The following PIEZO2 variants were observed in gnomAD, a reference collection of about 807,000 sequenced individuals.
PIEZO2 encodes the protein piezo-type mechanosensitive ion channel component 2.
In PIEZO2, 172 loss-of-function variants were observed where a neutral mutation model predicts 337.3. The observed-to-expected ratio is 0.51, with a 90% confidence interval of 0.45 to 0.58. The LOEUF (loss-of-function observed/expected upper bound fraction) is 0.58. Among genes scored for constraint, PIEZO2 ranks in the 20% least tolerant of loss-of-function variants. The pLI is 0.00. For missense variants in PIEZO2, 3,028 were observed against 3,391.3 expected, an observed-to-expected ratio of 0.89 and a Z score of 2.66; for synonymous variants, 1,251 against 1,228.5, an observed-to-expected ratio of 1.02 and a Z score of -0.38.
chr18:10,857,343 C>A (rs867431634), intron 5 of PIEZO2, 132 bp from the exon 6 acceptor site: 2 of 723,318 alleles, frequency 2.8e-6, no homozygotes, highest in African/African-American at 3.5e-5. Context: ...GGAAGACAAC[C>A]AGTTCATTCC....
chr18:10,809,492 T>G (rs1246459055), intron 7 of PIEZO2, among the ~76,000 whole-genome samples: 1 of 151,716 alleles, frequency 6.6e-6, no homozygotes, highest in African/African-American at 2.4e-5. Context: ...ATGGTCTTGA[T>G]CTCTTGACCT....
Position 10,847,206 on chromosome 18 carries a change from C to T in PIEZO2, c.917+8147G>A, listed in dbSNP as rs558255317. Among the ~76,000 whole-genome samples, 77 of 152,314 alleles carry T rather than the reference C, an allele frequency of 5.1e-4. 1 individual carries two copies. Among genetic ancestry groups the T allele is most frequent in the African/African-American group, 1.7e-3 (71 of 41,574 alleles). On this transcript the variant is annotated intron_variant, in intron 7 of 55. Transcript: ENST00000674853. This position sits in a 1 kb window ranked among gnomAD's most constrained non-coding sequence, Gnocchi z 5.7. ...AAATCAGTGGAACCCATGTGATGCTCGCTGGCCAGATGACATGACGGCAGC... is the reference window on the plus strand; with the variant it reads ...AAATCAGTGGAACCCATGTGATGCTTGCTGGCCAGATGACATGACGGCAGC...
intron 30 of PIEZO2, among the ~76,000 whole-genome samples, chr18:10,747,479 C>CAT (rs1404038773): frequency 6.6e-6 from 1 of 152,164 alleles, no homozygotes; most frequent in Non-Finnish European, 1.5e-5. Flanking sequence ...TGGAATGAAA[C>CAT]ATTGTATTCT....
chr18:10,872,803 T>C lies in PIEZO2; in HGVS notation c.330-1388A>G, dbSNP rs191735081. Among the ~76,000 whole-genome samples, 1 of 152,088 alleles carries C rather than the reference T, an allele frequency of 6.6e-6. No individual in the cohort carries two copies. Among genetic ancestry groups the C allele is most frequent in the African/African-American group, 2.4e-5 (1 of 41,480 alleles). ...AGAAAAAGCTAATGAAATGACTAGGTGATATGAAGAAAAAGTTATACAGAC... is the reference window on the plus strand; with the variant it reads ...AGAAAAAGCTAATGAAATGACTAGGCGATATGAAGAAAAAGTTATACAGAC... On this transcript the variant is annotated intron_variant, in intron 4 of 55. Transcript: ENST00000674853. The surrounding 1 kb of genome is among the most constrained non-coding windows in gnomAD (Gnocchi z 4.3).
intron 9 of PIEZO2, among the ~76,000 whole-genome samples, chr18:10,802,085 CAAAAAA>C (rs58924448): frequency 4.9e-4 from 47 of 96,612 alleles, no homozygotes; most frequent in Admixed American, 1.5e-3. Flanking sequence ...GACTCCGTCT[CAAAAAA>C]AAAAAAAAAA....
intron 2 of PIEZO2, among the ~76,000 whole-genome samples, chr18:10,990,572 T>C (rs1441731909): frequency 6.6e-6 from 1 of 152,052 alleles, no homozygotes; most frequent in Admixed American, 6.6e-5. Flanking sequence ...AAAGTTTACT[T>C]ATAAGACAAA....
At chr18:11,051,849 TGCATGACTGGAGGAA>T (rs2037548415) in intron 2 of PIEZO2, among the ~76,000 whole-genome samples, 1 of 152,226 alleles carries the variant, frequency 6.6e-6, no homozygotes, top group South Asian at 2.1e-4. Context: ...TATGACCTGG[TGCATGACTGGAGGAA>T]GCATCTATGC....
intron 2 of PIEZO2, among the ~76,000 whole-genome samples, chr18:11,054,118 T>C (rs1267946971): frequency 6.6e-6 from 1 of 152,228 alleles, no homozygotes; most frequent in Non-Finnish European, 1.5e-5. Flanking sequence ...TTAATAAATT[T>C]AATGCAGGAC....
In PIEZO2 at chr18:10,850,285, A is replaced by C. The variant is rs1231478203; in HGVS notation, c.917+5068T>G. On this transcript the variant is annotated intron_variant, in intron 7 of 55. Coordinates refer to ENST00000674853, the MANE Select transcript of PIEZO2 (RefSeq NM_001378183.1). The surrounding 1 kb of genome is among the most constrained non-coding windows in gnomAD (Gnocchi z 4.5). Reference sequence around the variant, plus strand: ...GAAGGGATTACTCTAGAGAAAAATGAAACTCCAGCCCTGTGCCACACATCG... The same window carrying C: ...GAAGGGATTACTCTAGAGAAAAATGCAACTCCAGCCCTGTGCCACACATCG... Among the ~76,000 whole-genome samples, 1 of 152,180 alleles carries C rather than the reference A, an allele frequency of 6.6e-6. No homozygotes were observed. The highest frequency in any genetic ancestry group is 2.4e-5 in the African/African-American group (1 of 41,444).
chr18:11,138,757 CAA>C (rs1400135127), intron 1 of PIEZO2, among the ~76,000 whole-genome samples: 2 of 152,256 alleles, frequency 1.3e-5, no homozygotes, highest in East Asian at 3.9e-4. Flanking sequence ...AATGAGTATG[CAA>C]AGTGGCGGGT....
intron 1 of PIEZO2, among the ~76,000 whole-genome samples, chr18:11,130,693 C>T (rs2040315827): frequency 6.6e-6 from 1 of 152,148 alleles, no homozygotes; most frequent in South Asian, 2.1e-4. Flanking sequence ...TCTAGGGGTC[C>T]AGTGGTGTGG....
chr18:10,869,373 G>A (rs1025379220), intron 5 of PIEZO2, among the ~76,000 whole-genome samples: 7 of 152,054 alleles, frequency 4.6e-5, no homozygotes, highest in Admixed American at 1.3e-4. Context: ...TCTGGATGAC[G>A]GGTTGTTGGT....
At chr18:10,808,072 C>A (rs952579084) in intron 7 of PIEZO2, among the ~76,000 whole-genome samples, 1 of 152,054 alleles carries the variant, frequency 6.6e-6, no homozygotes, top group African/African-American at 2.4e-5. Context: ...TCATACCTTT[C>A]TACTGTTTGC....
chr18:10,682,656 G>A lies in PIEZO2; in HGVS notation c.7498-364C>T, dbSNP rs1169383408. ...CTTCTGGTTTTAAGGGATTATGTGA[G>A]AGAAAGATACTTTACTTTCAATTCC... On this transcript the variant is annotated intron_variant, in intron 49 of 55. Transcript: ENST00000674853. This position sits in a 1 kb window ranked among gnomAD's most constrained non-coding sequence, Gnocchi z 5.6. 2.6e-5 allele frequency among the ~76,000 whole-genome samples: 4 copies of A among 152,216 alleles called. No homozygotes were observed. Among genetic ancestry groups the A allele is most frequent in the Non-Finnish European group, 5.9e-5 (4 of 68,036 alleles).
chr18:10,778,262 C>T (rs563535980), intron 18 of PIEZO2, among the ~76,000 whole-genome samples: 1 of 152,066 alleles, frequency 6.6e-6, no homozygotes, highest in Non-Finnish European at 1.5e-5. Flanking sequence ...TACAGCATTT[C>T]AGAAGCACAC....
intron 3 of PIEZO2, among the ~76,000 whole-genome samples, chr18:10,930,443 C>G (rs1433473145): frequency 6.6e-6 from 1 of 152,224 alleles, no homozygotes; most frequent in Non-Finnish European, 1.5e-5. Flanking sequence ...GACGTTCCCC[C>G]TTTCTGGGCT....
intron 18 of PIEZO2, among the ~76,000 whole-genome samples, chr18:10,774,510 G>A (rs2038719408): frequency 1.3e-5 from 2 of 152,248 alleles, no homozygotes; most frequent in South Asian, 4.1e-4. Context: ...GTCCCCACCT[G>A]AGAGTTACTG....
intron 7 of PIEZO2, among the ~76,000 whole-genome samples, chr18:10,849,299 A>G (rs575452554): frequency 2.0e-3 from 309 of 152,350 alleles, no homozygotes; most frequent in African/African-American, 7.0e-3. Flanking sequence ...GGCTTGGGCC[A>G]CTGCGCTTGG....
chr18:10,826,366 T>C (rs2040678129), intron 7 of PIEZO2, among the ~76,000 whole-genome samples: 1 of 152,240 alleles, frequency 6.6e-6, no homozygotes, highest in Non-Finnish European at 1.5e-5. Flanking sequence ...TATCATATTG[T>C]TCTAGCCTTC....
Sources: gnomAD v4.1 joint callset for allele counts (sites outside exome capture counted in the v4.1 genomes callset) on GRCh38, gnomAD v4.1.1 for gene constraint, Gnocchi (gnomAD v3.1) non-coding constraint, MANE v1.5 for transcripts, NCBI Gene and HGNC (gene_info 2026-07-23, HGNC 2026-07-21) for gene names.